Variants in RAPGEF6 observed in about 807,000 individuals in gnomAD.
The protein encoded by RAPGEF6 is PDZ domain containing guanine nucleotide exchange factor (GEF) 2.
In RAPGEF6, 56 loss-of-function variants were observed where a neutral mutation model predicts 171.4. The ratio of observed to expected loss-of-function variants is 0.33; its 90% CI spans 0.26 to 0.41. The LOEUF (loss-of-function observed/expected upper bound fraction) is 0.41, where lower values mean the gene tolerates loss of function less well. RAPGEF6 is among the 10% of genes least tolerant of loss of function. The pLI, the probability that RAPGEF6 is intolerant of heterozygous loss-of-function variation, is 1.00. For missense variants in RAPGEF6, 1,674 were observed against 1,921.4 expected, an observed-to-expected ratio of 0.87 and a Z score of 2.41; for synonymous variants, 692 against 650.1, an observed-to-expected ratio of 1.06 and a Z score of -0.98.
chr5:131,432,241 T>A (rs573743514), intron 25 of RAPGEF6, among the ~76,000 whole-genome samples: 64 of 152,186 alleles, frequency 4.2e-4, no homozygotes, highest in Non-Finnish European at 7.6e-4. Flanking sequence ...AAAAAGTTTG[T>A]AAACCCCTCA....
At chr5:131,622,336 C>A (rs1765641109) in intron 1 of RAPGEF6, among the ~76,000 whole-genome samples, 1 of 152,340 alleles carries the variant, frequency 6.6e-6, no homozygotes, top group South Asian at 2.1e-4. Context: ...AGGAGGCAGG[C>A]ATGATGAGCC....
chr5:131,433,436 C>G lies in RAPGEF6; in HGVS notation c.3968G>C (p.Gly1323Ala). ...CACAGACAATGATGCTTACCCAGGG[C>G]CATGTTGACTATGATCTCCTATCCC... ...ASGIGDHSQH[G>A]PGWTLLKPSL... Residue 1323 changes from glycine to alanine, a missense_variant, in exon 25 of 28, where the codon GGC becomes GCC. By Grantham distance (60) the Gly-to-Ala change is moderately conservative. Coordinates refer to ENST00000509018, the MANE Select transcript of RAPGEF6 (RefSeq NM_016340.6). 1 of 1,608,648 alleles carries G rather than the reference C, an allele frequency of 6.2e-7. No homozygotes were observed. The highest frequency in any genetic ancestry group is 8.5e-7 in the Non-Finnish European group (1 of 1,175,054).
intron 22 of RAPGEF6, among the ~76,000 whole-genome samples, chr5:131,443,087 G>C (rs1752486355): frequency 6.6e-6 from 1 of 152,080 alleles, no homozygotes; most frequent in African/African-American, 2.4e-5. Flanking sequence ...TGGGATTACA[G>C]GCATGCACCA....
At chr5:131,566,764 T>C (rs1051973008) in intron 4 of RAPGEF6, among the ~76,000 whole-genome samples, 3 of 151,534 alleles carry the variant, frequency 2.0e-5, no homozygotes, top group African/African-American at 7.3e-5. Context: ...TTTTTTGTAA[T>C]GTATGTCTTT....
At chr5:131,544,406 G>T (rs1449582320) in intron 6 of RAPGEF6, among the ~76,000 whole-genome samples, 6 of 151,982 alleles carry the variant, frequency 3.9e-5, no homozygotes, top group Admixed American at 2.0e-4. Flanking sequence ...ACAGGGAAAG[G>T]TCTCAAAATC....
intron 4 of RAPGEF6, among the ~76,000 whole-genome samples, chr5:131,584,275 T>C (rs1186574668): frequency 1.3e-5 from 2 of 152,182 alleles, no homozygotes; most frequent in Non-Finnish European, 2.9e-5. Context: ...ACAGCTTGCA[T>C]CCTGGATGTA....
intron 1 of RAPGEF6, among the ~76,000 whole-genome samples, chr5:131,608,396 G>A (rs1478208384): frequency 6.6e-6 from 1 of 152,162 alleles, no homozygotes. Context: ...GTCTTCCTAA[G>A]GACAGCAGTC....
At chr5:131,596,244 G>T (rs900232945) in intron 3 of RAPGEF6, among the ~76,000 whole-genome samples, 14 of 146,420 alleles carry the variant, frequency 9.6e-5, no homozygotes, top group African/African-American at 3.2e-4. Context: ...CTTACTTTAA[G>T]TCAAAAACTG....
chr5:131,609,705 G>C (rs868727573), intron 1 of RAPGEF6, among the ~76,000 whole-genome samples: 89 of 152,170 alleles, frequency 5.8e-4, no homozygotes, highest in African/African-American at 2.1e-3. Context: ...TATTCAAGAA[G>C]AGCAACCAGT....
Position 131,426,750 on chromosome 5 carries a change from T to C in RAPGEF6, c.*516A>G, listed in dbSNP as rs1347848622. 5.8e-6 allele frequency: 1 copy of C among 171,506 alleles called. No individual in the cohort carries two copies. Among genetic ancestry groups the C allele is most frequent in the Non-Finnish European group, 1.2e-5 (1 of 81,430 alleles). 10.6% of individuals were successfully genotyped at this position (171,506 alleles called of 1,614,324 possible). The stretch of plus-strand genomic sequence containing the variant: ...TTCTGTTTGGTCAGACCAGAGACAA[T>C]TTTATGACCTCAAACATGAATATCA... On this transcript the variant is annotated 3_prime_UTR_variant, in exon 28 of 28. Transcript: ENST00000509018.
chr5:131,591,900 C>T (rs996930071), intron 4 of RAPGEF6, among the ~76,000 whole-genome samples: 2 of 152,024 alleles, frequency 1.3e-5, no homozygotes, highest in African/African-American at 4.8e-5. Context: ...TCTTGTTGCC[C>T]AGGCTGGAGT....
At chr5:131,513,111 A>G (rs907280993) in intron 7 of RAPGEF6, among the ~76,000 whole-genome samples, 2 of 152,208 alleles carry the variant, frequency 1.3e-5, no homozygotes, top group African/African-American at 4.8e-5. Flanking sequence ...TAAACGGAGT[A>G]TATTTCTGAA....
At chr5:131,518,374 G>A (rs1211929225) in intron 7 of RAPGEF6, among the ~76,000 whole-genome samples, 4 of 149,518 alleles carry the variant, frequency 2.7e-5, no homozygotes, top group African/African-American at 9.8e-5. Context: ...TGGTCCTAAA[G>A]TTAACTGTTA....
At chr5:131,571,272 C>G (rs780719041) in intron 4 of RAPGEF6, among the ~76,000 whole-genome samples, 10 of 152,032 alleles carry the variant, frequency 6.6e-5, no homozygotes, top group Non-Finnish European at 1.2e-4. Context: ...AGATTGACAA[C>G]AAGGATGTTT....
chr5:131,562,197 A>G (rs1467804489), intron 4 of RAPGEF6, 150 bp from the exon 5 acceptor site: 6 of 550,860 alleles, frequency 1.1e-5, no homozygotes, highest in Non-Finnish European at 1.5e-5. Context: ...AGATTTTCTA[A>G]AAAAGAAAGA....
At chr5:131,523,899 AG>A (rs1382374458) in intron 6 of RAPGEF6, among the ~76,000 whole-genome samples, 1 of 152,152 alleles carries the variant, frequency 6.6e-6, no homozygotes, top group Non-Finnish European at 1.5e-5. Context: ...TCAAGAGAAA[AG>A]TTTTAAAGTA....
At chr5:131,472,362 C>A in intron 17 of RAPGEF6, 2 of 584,484 alleles carry the variant, frequency 3.4e-6, no homozygotes, top group South Asian at 3.5e-5. Flanking sequence ...TGAGCCACTG[C>A]GCCTGGCCAG....
At chr5:131,500,792 G>A (rs187803171) in intron 11 of RAPGEF6, among the ~76,000 whole-genome samples, 115 of 152,212 alleles carry the variant, frequency 7.6e-4, no homozygotes, top group South Asian at 6.4e-3. Flanking sequence ...AAGACTGTGA[G>A]TTCACTGATA....
intron 7 of RAPGEF6, among the ~76,000 whole-genome samples, chr5:131,518,512 C>T (rs1034377020): frequency 1.3e-5 from 2 of 151,994 alleles, no homozygotes. Flanking sequence ...ATTCTCCTGC[C>T]TCAGCCTCCT....
Sources: allele counts gnomAD v4.1 joint callset (sites outside exome capture counted in the v4.1 genomes callset), GRCh38; gene constraint gnomAD v4.1.1; transcripts MANE v1.5; gene names NCBI Gene and HGNC (gene_info 2026-07-23, HGNC 2026-07-21).